CDHR2: variants seen among roughly 807,000 people sequenced by gnomAD.
CDHR2 encodes the protein cadherin related family member 2, also known as cadherin-related family member 2.
CDHR2 carries 104 observed loss-of-function variants against 138.6 expected under a neutral mutation model. The observed-to-expected ratio is 0.75, with a 90% CI of 0.64 to 0.88. The LOEUF is 0.88. Among genes scored for constraint, CDHR2 ranks in the 40% least tolerant of loss-of-function variants. The pLI, the probability that CDHR2 is intolerant of heterozygous loss-of-function variation, is 0.00. For synonymous variants in CDHR2, 755 were observed against 742.8 expected, an observed-to-expected ratio of 1.02 and a Z score of -0.27; for missense variants, 1,624 against 1,727.6, an observed-to-expected ratio of 0.94 and a Z score of 1.06.
chr5:176,580,936 AAATGAG>A (rs1334432281), intron 16 of CDHR2, among the ~76,000 whole-genome samples: 1 of 152,212 alleles, frequency 6.6e-6, no homozygotes, highest in African/African-American at 2.4e-5. Flanking sequence ...CATTATGGGA[AAATGAG>A]AATCTTGCTG....
chr5:176,589,069 G>A lies in CDHR2; in HGVS notation c.2895G>A (p.Leu965=), dbSNP rs887048129. 2.5e-6 allele frequency: 4 copies of A among 1,613,974 alleles called. No individual in the cohort carries two copies. Among genetic ancestry groups the A allele is most frequent in the Non-Finnish European group, 3.4e-6 (4 of 1,179,990 alleles). Residue 965 remains leucine (L), a synonymous_variant, in exon 22 of 32, where the codon CTG becomes CTA. Coordinates refer to ENST00000261944, the MANE Select transcript of CDHR2 (RefSeq NM_017675.6). The part of the protein sequence containing the change: ...DDDSGNNGVI[L]FSILRVDFIS... ...ATTCAGGGAACAATGGCGTCATCCT[G>A]TTCTCCATCCTCCGAGTAGACTTCA...
chr5:176,565,527 C>T (rs35952423), intron 2 of CDHR2, 123 bp downstream of exon 2: 1 of 1,267,498 alleles, frequency 7.9e-7, no homozygotes, highest in South Asian at 1.3e-5. Flanking sequence ...CTGTGCTTGG[C>T]TAAGCTGGGG....
rs189346843 is a variant in CDHR2, at chr5:176,584,292, G to A, written c.2128+33G>A. 71 of 1,613,058 alleles carry A rather than the reference G, an allele frequency of 4.4e-5. No homozygotes were observed. In the Admixed American group the frequency reaches 5.3e-4, roughly 12 times the overall value. On this transcript the variant is annotated intron_variant, in intron 18 of 31. Coordinates refer to ENST00000261944, the MANE Select transcript of CDHR2 (RefSeq NM_017675.6). ...CTCCCTGGGCCAGGAGAGACACTGCGGCTGGGACCCAGTGTGGCTTTGTCA... is the reference window on the plus strand; with the variant it reads ...CTCCCTGGGCCAGGAGAGACACTGCAGCTGGGACCCAGTGTGGCTTTGTCA...
At chr5:176,560,269 C>A (rs1224661397) in intron 1 of CDHR2, among the ~76,000 whole-genome samples, 1 of 151,882 alleles carries the variant, frequency 6.6e-6, no homozygotes, top group Non-Finnish European at 1.5e-5. Flanking sequence ...TGGTGGCGCA[C>A]CCTGTAATCC....
intron 31 of CDHR2, among the ~76,000 whole-genome samples, chr5:176,593,858 CAG>C (rs1488426407): frequency 1.2e-4 from 18 of 152,322 alleles, no homozygotes; most frequent in African/African-American, 4.3e-4. Flanking sequence ...GAATCTGGCA[CAG>C]AGGCCTCCGG....
intron 31 of CDHR2, among the ~76,000 whole-genome samples, chr5:176,595,108 A>G (rs1291917165): frequency 6.6e-6 from 1 of 152,164 alleles, no homozygotes. Context: ...TGAAGAGAGG[A>G]CATGTTCCCT....
chr5:176,578,182 G>A (rs1290234635), intron 15 of CDHR2, 87 bp downstream of exon 15: 1 of 1,354,516 alleles, frequency 7.4e-7, no homozygotes, highest in South Asian at 1.3e-5. Context: ...GAATAGCTGG[G>A]GAAGACCGAA....
chr5:176,575,453 G>T, intron 9 of CDHR2, 27 bp downstream of exon 9: 7 of 1,614,198 alleles, frequency 4.3e-6, no homozygotes, highest in Non-Finnish European at 3.4e-6. Flanking sequence ...TGGGGTGTGG[G>T]TGGAGGCGGG....
In CDHR2 at chr5:176,585,082, G is replaced by T. The variant is rs115199633; in HGVS notation, c.2734+67G>T. On this transcript the variant is annotated intron_variant, in intron 19 of 31. Transcript: ENST00000261944. ...TAGGGGCCGCGGGAAGGAGCCCTGG[G>T]CTGGAACTCACAAGGTCTGGGCTCA... 6.3e-4 allele frequency: 926 copies of T among 1,465,354 alleles called. 3 individuals carry two copies. The African/African-American group carries it at 0.012, about 19-fold the overall frequency. The allele number at this position is 1,465,354 out of a possible 1,614,324, so 90.8% of individuals were successfully genotyped here. A position where few individuals can be genotyped will look rare whatever the true frequency, so the allele number is the denominator to read the frequency against.
At chr5:176,575,903 C>G in intron 11 of CDHR2, 49 bp from the exon 12 acceptor site, 1 of 1,572,710 alleles carries the variant, frequency 6.4e-7, no homozygotes, top group South Asian at 1.2e-5. Flanking sequence ...TTTGATCTCT[C>G]TCTCTGAGCA....
chr5:176,572,855 C>G (rs1758269293), intron 6 of CDHR2, among the ~76,000 whole-genome samples: 1 of 152,222 alleles, frequency 6.6e-6, no homozygotes, highest in Admixed American at 6.5e-5. Context: ...CAAGACAGAC[C>G]TGGTTGCTAC....
At chr5:176,549,071 C>T (rs1345671456), upstream of CDHR2, among the ~76,000 whole-genome samples, 1 of 152,188 alleles carries the variant, frequency 6.6e-6, no homozygotes, top group East Asian at 1.9e-4. Flanking sequence ...TCACCGTCCC[C>T]GCCTCCAGCC....
At chr5:176,548,433 G>C (rs569930734), upstream of CDHR2, among the ~76,000 whole-genome samples, 58 of 152,286 alleles carry the variant, frequency 3.8e-4, no homozygotes, top group South Asian at 0.012. Flanking sequence ...CCACCACATC[G>C]GGCAGCGCTT....
At position 176,576,563 on chromosome 5, in the gene CDHR2, G is replaced by A. The variant is rs1758387497; in HGVS notation, c.1194+378G>A. On this transcript the variant is annotated intron_variant, in intron 12 of 31. Coordinates refer to ENST00000261944, the MANE Select transcript of CDHR2 (RefSeq NM_017675.6). This position sits in a 1 kb window ranked among gnomAD's most constrained non-coding sequence, Gnocchi z 4.5. ...GTTGGGACAAGTGGTCTGAGGGTGT[G>A]AGGTGGGAGGGTGCTCTTTTTTTTT... 6.8e-6 allele frequency among the ~76,000 whole-genome samples: 1 copy of A among 146,624 alleles called. No homozygotes were observed.
At chr5:176,544,333 C>A (rs1048468869) in intron 1 of CDHR2, among the ~76,000 whole-genome samples, 2 of 151,094 alleles carry the variant, frequency 1.3e-5, no homozygotes, top group African/African-American at 4.9e-5. Flanking sequence ...CTTTCTTTTC[C>A]TTCCTTCCTT....
rs752226697 is a variant in CDHR2 at position 176,566,957 on chromosome 5, A to G, written c.124+1214A>G. ...AGCCTTTGTTGCAGTGCAAAATGGA[A>G]TCCAGGAATGTCGAAAGCTGCCAGA... is the stretch of plus-strand genomic sequence containing the variant. On this transcript the variant is annotated intron_variant, in intron 3 of 31. Transcript: ENST00000261944. The G allele has an allele frequency of 6.6e-6, 3 of 456,176 alleles. No individual in the cohort carries two copies. The East Asian group carries it at 2.1e-4, about 32-fold the overall frequency. 28.3% of individuals were successfully genotyped at this position (456,176 alleles called of 1,614,324 possible).
At chr5:176,574,232 A>T in intron 7 of CDHR2, 60 bp downstream of exon 7, 1 of 1,285,592 alleles carries the variant, frequency 7.8e-7, no homozygotes, top group Non-Finnish European at 1.1e-6. Flanking sequence ...ATCTCCACAG[A>T]CAACCCACAG....
At position 176,584,467 on chromosome 5, in the gene CDHR2, G is replaced by T. The variant is rs199744196; in HGVS notation, c.2186G>T (p.Arg729Leu). The part of the protein sequence containing the change: ...WDADQTEANN[R>L]ISFSLSGSGA... ...GCGGACCAGACGGAAGCCAACAACCGCATCAGCTTCAGCCTGTCGGGGAGT... is the reference window on the plus strand; with the variant it reads ...GCGGACCAGACGGAAGCCAACAACCTCATCAGCTTCAGCCTGTCGGGGAGT... The change falls in exon 19 of 32, where the codon CGC becomes CTC. Residue 729 changes from arginine to leucine, a missense_variant. Arg to Leu is a moderately radical substitution (Grantham distance 102). Transcript: ENST00000261944. The T allele has an allele frequency of 6.2e-7, 1 of 1,609,808 alleles. No homozygotes were observed.
Position 176,574,107 on chromosome 5 carries a change from T to G in CDHR2, c.430T>G (p.Phe144Val), listed in dbSNP as rs780918168. 7.4e-6 allele frequency: 12 copies of G among 1,613,910 alleles called. No individual in the cohort carries two copies. In the Admixed American group the frequency reaches 2.0e-4, roughly 27 times the overall value. ...GACCCTGCCCGTGGGCAGTGTGGTG[T>G]TCTCCGTGCTGGCCGTGGATAAAGA... ...NETLPVGSVV[F>V]SVLAVDKDMG... Residue 144 changes from phenylalanine to valine, a missense_variant, in exon 7 of 32, where the codon TTC becomes GTC. This residue lies in a region of CDHR2 where 1,061 missense variants were observed against 1,136.6 expected (regional missense o/e 0.93). Coordinates refer to ENST00000261944, the MANE Select transcript of CDHR2 (RefSeq NM_017675.6).
Sources: gnomAD v4.1 joint callset for allele counts (sites outside exome capture counted in the v4.1 genomes callset) on GRCh38, gnomAD v4.1.1 for gene constraint, gnomAD v4.1.1 regional missense constraint, Gnocchi (gnomAD v3.1) non-coding constraint, MANE v1.5 for transcripts, NCBI Gene and HGNC (gene_info 2026-07-23, HGNC 2026-07-21) for gene names.